The following LYST variants were observed in gnomAD, a reference collection of about 807,000 sequenced individuals.
LYST encodes lysosomal trafficking regulator, also known as lysosomal-trafficking regulator.
Under a neutral mutation model 413.6 loss-of-function variants are expected in LYST, and 192 were observed. The observed-to-expected ratio is 0.46, with a 90% confidence interval of 0.41 to 0.52. The LOEUF (loss-of-function observed/expected upper bound fraction) is 0.52. Ranked by LOEUF, LYST falls within the 20% of genes least tolerant of loss-of-function variation. LYST has a pLI of 0.00. For missense variants in LYST, 3,815 were observed against 4,499.9 expected (o/e 0.85, Z 4.35); for synonymous variants, 1,525 against 1,567.3 (o/e 0.97, Z 0.64).
chr1:235,860,293 G>C (rs1394874708), intron 1 of LYST, among the ~76,000 whole-genome samples: 1 of 152,050 alleles, frequency 6.6e-6, no homozygotes, highest in Non-Finnish European at 1.5e-5. Flanking sequence ...CCCAACTATG[G>C]ACAGCCCCCC....
intron 3 of LYST, among the ~76,000 whole-genome samples, chr1:235,825,751 C>G (rs1675256645): frequency 6.6e-6 from 1 of 152,118 alleles, no homozygotes; most frequent in South Asian, 2.1e-4. Context: ...AGTGTCAATT[C>G]TCTGTAAACT....
At chr1:235,861,322 A>T (rs989286719) in intron 1 of LYST, among the ~76,000 whole-genome samples, 4 of 152,182 alleles carry the variant, frequency 2.6e-5, no homozygotes, top group Non-Finnish European at 4.4e-5. Context: ...TCATGTTATT[A>T]GGTAAGATTT....
intron 48 of LYST, among the ~76,000 whole-genome samples, chr1:235,685,538 T>C (rs368408915): frequency 6.6e-6 from 1 of 151,982 alleles, no homozygotes; most frequent in East Asian, 1.9e-4. Flanking sequence ...CAAAAGGGAA[T>C]AAGCTTGGAA....
chr1:235,829,250 G>A (rs1318776414), intron 3 of LYST, among the ~76,000 whole-genome samples: 2 of 152,180 alleles, frequency 1.3e-5, no homozygotes, highest in African/African-American at 4.8e-5. Context: ...TCCATGACAA[G>A]TAAATGCTTC....
chr1:235,763,992 A>G (rs1466401450), intron 21 of LYST, among the ~76,000 whole-genome samples: 1 of 152,154 alleles, frequency 6.6e-6, no homozygotes, highest in East Asian at 1.9e-4. Flanking sequence ...GATAAAACCC[A>G]AGCTTCTTGT....
Position 235,781,914 on chromosome 1 carries a change from A to G in LYST, c.5023+13T>C. The G allele has an allele frequency of 6.3e-7, 1 of 1,580,258 alleles. No homozygotes were observed. Among genetic ancestry groups the G allele is most frequent in the Non-Finnish European group, 8.7e-7 (1 of 1,149,332 alleles). ...CAGGCTGAAGTGCAGTGGTGCAATC[A>G]TAGCTCACTCACCGTTGAAGAGAAG... On this transcript the variant is annotated intron_variant, in intron 15 of 52. Transcript: ENST00000389793.
chr1:235,800,813 G>A, intron 9 of LYST, 58 bp downstream of exon 9: 1 of 1,181,064 alleles, frequency 8.5e-7, no homozygotes, highest in Non-Finnish European at 1.2e-6. Flanking sequence ...ATAAGGAGAT[G>A]TTATTGGGTG....
chr1:235,724,478 T>C (rs2103178305), intron 38 of LYST, among the ~76,000 whole-genome samples: 1 of 152,330 alleles, frequency 6.6e-6, no homozygotes, highest in South Asian at 2.1e-4. Flanking sequence ...AGTTTCTCTA[T>C]TATTAAATCT....
chr1:235,720,073 G>T (rs560413321), intron 40 of LYST, among the ~76,000 whole-genome samples: 1 of 150,430 alleles, frequency 6.6e-6, no homozygotes, highest in African/African-American at 2.5e-5. Context: ...CTACTCAGAG[G>T]CTGAGGCAGG....
At chr1:235,693,617 A>G (rs1473389960) in intron 46 of LYST, 131 bp from the exon 47 acceptor site, 1 of 937,528 alleles carries the variant, frequency 1.1e-6, no homozygotes, top group African/African-American at 1.6e-5. Flanking sequence ...CCATCTTTAA[A>G]TCTCTAAAAT....
At chr1:235,808,281 A>T (rs776298989) in intron 5 of LYST, among the ~76,000 whole-genome samples, 174 bp downstream of exon 5, 13 of 152,228 alleles carry the variant, frequency 8.5e-5, no homozygotes, top group Non-Finnish European at 1.3e-4. Context: ...TTGAAATTAA[A>T]TCCTAGGAAA....
Position 235,792,022 on chromosome 1 carries a change from T to C in LYST, c.4220A>G (p.Asn1407Ser). The C allele has an allele frequency of 6.2e-7, 1 of 1,614,102 alleles. No individual in the cohort carries two copies. Among genetic ancestry groups the C allele is most frequent in the South Asian group, 1.1e-5 (1 of 91,088 alleles). ...FPLLHAPNLS[N>S]GVSSQKYPGI... ...AGGATACTTTTGTGATGAAACACCGTTGCTTAAATTTGGAGCGTGCAGTAA... is the reference window on the plus strand; with the variant it reads ...AGGATACTTTTGTGATGAAACACCGCTGCTTAAATTTGGAGCGTGCAGTAA... Residue 1407 changes from asparagine to serine, a missense_variant, in exon 12 of 53, where the codon AAC becomes AGC. Around this residue, in one of 4 missense-constraint regions of LYST, gnomAD observed 1,648 missense variants for 1,810.3 expected, o/e 0.91. Transcript: ENST00000389793.
At chr1:235,843,922 T>C (rs1222949575) in intron 1 of LYST, among the ~76,000 whole-genome samples, 6 of 152,230 alleles carry the variant, frequency 3.9e-5, no homozygotes, top group Admixed American at 3.9e-4. Context: ...CACTACGTGC[T>C]TGCCTAATTT....
intron 20 of LYST, 68 bp downstream of exon 20, chr1:235,770,092 T>C: frequency 6.8e-7 from 1 of 1,479,112 alleles, no homozygotes; most frequent in Non-Finnish European, 9.4e-7. Context: ...CCACAAAAAT[T>C]TGATGTTCAT....
At chr1:235,767,503 C>T (rs12076094) in intron 20 of LYST, among the ~76,000 whole-genome samples, 5,298 of 152,214 alleles carry the variant, frequency 0.035, 298 homozygotes, top group African/African-American at 0.12. Context: ...TGCATTTCTT[C>T]TAAACCATAC....
At chr1:235,816,329 T>C (rs1674077186) in intron 3 of LYST, among the ~76,000 whole-genome samples, 1 of 146,964 alleles carries the variant, frequency 6.8e-6, no homozygotes, top group Non-Finnish European at 1.5e-5. Context: ...TAGTCCCAGC[T>C]ACTCGGGAGC....
intron 1 of LYST, among the ~76,000 whole-genome samples, chr1:235,878,320 C>T (rs1047204293): frequency 5.3e-5 from 8 of 152,092 alleles, no homozygotes; most frequent in East Asian, 1.9e-4. Flanking sequence ...TCTGGCTCTG[C>T]GGGTGGACTC....
At chr1:235,683,789 GAACATGAGGT>G (rs1468120033) in intron 48 of LYST, among the ~76,000 whole-genome samples, 1 of 152,156 alleles carries the variant, frequency 6.6e-6, no homozygotes, top group Non-Finnish European at 1.5e-5. Context: ...AGAAACCAGT[GAACATGAGGT>G]GTCTCCTGCT....
intron 40 of LYST, among the ~76,000 whole-genome samples, chr1:235,718,036 G>A (rs1291481505): frequency 1.3e-5 from 2 of 151,072 alleles, no homozygotes; most frequent in African/African-American, 2.4e-5. Flanking sequence ...GCTAATTTTT[G>A]TATTTTTATT....
Sources: gnomAD v4.1 joint callset for allele counts (sites outside exome capture counted in the v4.1 genomes callset) on GRCh38, gnomAD v4.1.1 for gene constraint, gnomAD v4.1.1 regional missense constraint, MANE v1.5 for transcripts, NCBI Gene and HGNC (gene_info 2026-07-23, HGNC 2026-07-21) for gene names.